Variants in SPIDR observed in about 807,000 individuals in gnomAD.
SPIDR encodes the protein DNA repair-scaffolding protein.
A neutral mutation model predicts 104.6 loss-of-function variants in SPIDR; 93 were observed. That is an observed-to-expected ratio of 0.89 (90% CI 0.75 to 1.06). SPIDR has a LOEUF of 1.06. SPIDR is among the 50% of genes least tolerant of loss of function. SPIDR has a pLI of 0.00. For synonymous variants in SPIDR, 431 were observed against 416.9 expected, an observed-to-expected ratio of 1.03 and a Z score of -0.41; for missense variants, 1,154 against 1,111.2, an observed-to-expected ratio of 1.04 and a Z score of -0.55.
chr8:47,688,152 C>T (rs1027676434), intron 11 of SPIDR, among the ~76,000 whole-genome samples: 18 of 151,830 alleles, frequency 1.2e-4, no homozygotes, highest in Non-Finnish European at 2.5e-4. Context: ...TTTTTTGAGA[C>T]GGAGTCTCTC....
intron 8 of SPIDR, among the ~76,000 whole-genome samples, chr8:47,516,837 G>A (rs2083242010): frequency 6.6e-6 from 1 of 151,988 alleles, no homozygotes; most frequent in Admixed American, 6.6e-5. Flanking sequence ...GACTTCTTAA[G>A]GAACTACCAT....
At chr8:47,705,587 T>TGC (rs1349175718) in intron 14 of SPIDR, among the ~76,000 whole-genome samples, 2 of 152,098 alleles carry the variant, frequency 1.3e-5, no homozygotes, top group Admixed American at 6.5e-5. Context: ...GCACCATGAG[T>TGC]CATTGCTGGA....
rs1374985792 is a variant in SPIDR at position 47,729,188 on chromosome 8, TC to T, written c.2550+144del. On this transcript the variant is annotated intron_variant, in intron 18 of 19. Coordinates refer to ENST00000297423, the MANE Select transcript of SPIDR (RefSeq NM_001080394.4). ...GGCTGGGATGGCTTGCATCTGGAACTCCCTCTAGGTCCTAGGAGCTTCCCTA... is the reference window on the plus strand; with the variant it reads ...GGCTGGGATGGCTTGCATCTGGAACTCCTCTAGGTCCTAGGAGCTTCCCTA... 1.3e-5 allele frequency: 19 copies of T among 1,517,580 alleles called. No homozygotes were observed. The Admixed American group carries it at 3.8e-4, about 31-fold the overall frequency. 94.0% of individuals were successfully genotyped at this position (1,517,580 alleles called of 1,614,324 possible).
At chr8:47,315,464 G>A (rs1332160882) in intron 5 of SPIDR, among the ~76,000 whole-genome samples, 2 of 152,092 alleles carry the variant, frequency 1.3e-5, no homozygotes, top group East Asian at 3.8e-4. Context: ...GTTATCCCTA[G>A]TCGATCTATG....
At chr8:47,592,568 C>A in intron 8 of SPIDR, 1 of 1,290,668 alleles carries the variant, frequency 7.7e-7, no homozygotes, top group Non-Finnish European at 1.1e-6. Context: ...TGCCAGCAAA[C>A]CCTGGGTTTC....
At chr8:47,378,321 A>G (rs2058914541) in intron 5 of SPIDR, among the ~76,000 whole-genome samples, 1 of 152,236 alleles carries the variant, frequency 6.6e-6, no homozygotes, top group East Asian at 1.9e-4. Flanking sequence ...TGATGAAACA[A>G]GCATTATGAA....
At chr8:47,647,685 A>G (rs568430769) in intron 10 of SPIDR, among the ~76,000 whole-genome samples, 46 of 149,174 alleles carry the variant, frequency 3.1e-4, no homozygotes, top group Non-Finnish European at 6.1e-4. Context: ...AGGGAGAGAG[A>G]GAGAGAGAGA....
chr8:47,280,445 T>C (rs1046850504), intron 2 of SPIDR, among the ~76,000 whole-genome samples: 4 of 148,084 alleles, frequency 2.7e-5, no homozygotes, highest in Non-Finnish European at 5.9e-5. Flanking sequence ...CAGGCTGGAG[T>C]GCAGTGAGGC....
At chr8:47,588,193 A>C (rs191909133) in intron 8 of SPIDR, among the ~76,000 whole-genome samples, 69 of 148,154 alleles carry the variant, frequency 4.7e-4, no homozygotes, top group African/African-American at 1.7e-3. Context: ...TATGATTTTG[A>C]GTTTTTCAAT....
chr8:47,387,586 C>A (rs1288200512), intron 5 of SPIDR, among the ~76,000 whole-genome samples: 1 of 152,116 alleles, frequency 6.6e-6, no homozygotes, highest in Non-Finnish European at 1.5e-5. Context: ...ATTATTGATC[C>A]AGGTGATACT....
chr8:47,296,934 A>G (rs1048008199), intron 5 of SPIDR, among the ~76,000 whole-genome samples: 23 of 152,250 alleles, frequency 1.5e-4, no homozygotes, highest in Non-Finnish European at 2.8e-4. Flanking sequence ...TGTATTTTCT[A>G]GTATATACAT....
At position 47,566,923 on chromosome 8, in the gene SPIDR, G is replaced by T. The variant is rs747767375; in HGVS notation, c.1098-28888G>T. 3.2e-4 allele frequency among the ~76,000 whole-genome samples: 48 copies of T among 152,316 alleles called. No homozygotes were observed. The South Asian group carries it at 3.7e-3, about 12-fold the overall frequency. Reference sequence around the variant, plus strand: ...AAGTGATATTTTAAGTAGAATTAATGTGTGGTTCTGGGAAGCAAGGTTTTA... The same window carrying T: ...AAGTGATATTTTAAGTAGAATTAATTTGTGGTTCTGGGAAGCAAGGTTTTA... On this transcript the variant is annotated intron_variant, in intron 8 of 19. Transcript: ENST00000297423.
intron 16 of SPIDR, among the ~76,000 whole-genome samples, chr8:47,722,574 A>G (rs1204113384): frequency 6.6e-6 from 1 of 151,758 alleles, no homozygotes; most frequent in African/African-American, 2.4e-5. Context: ...CTTTTATTAC[A>G]CTCTTCTTTT....
chr8:47,649,807 A>G (rs2071270972), intron 10 of SPIDR, among the ~76,000 whole-genome samples: 1 of 152,234 alleles, frequency 6.6e-6, no homozygotes, highest in Admixed American at 6.5e-5. Flanking sequence ...TTTAACATAT[A>G]CAGGTCAATA....
chr8:47,480,048 T>C (rs2076722499), intron 8 of SPIDR, among the ~76,000 whole-genome samples: 1 of 152,120 alleles, frequency 6.6e-6, no homozygotes, highest in Admixed American at 6.6e-5. Context: ...TAAAATAATA[T>C]CTTGGAGAAC....
At chr8:47,283,394 A>G (rs2038199678) in intron 2 of SPIDR, among the ~76,000 whole-genome samples, 1 of 152,208 alleles carries the variant, frequency 6.6e-6, no homozygotes, top group African/African-American at 2.4e-5. Flanking sequence ...ACCCCAAATC[A>G]GTTACAGTAG....
intron 7 of SPIDR, among the ~76,000 whole-genome samples, chr8:47,411,891 G>T (rs886096293): frequency 8.5e-5 from 13 of 152,138 alleles, no homozygotes; most frequent in African/African-American, 2.9e-4. Flanking sequence ...AGTTTTCCCA[G>T]CACCATTTAT....
intron 10 of SPIDR, among the ~76,000 whole-genome samples, chr8:47,633,238 ATAT>A (rs1323259090): frequency 6.6e-6 from 1 of 152,212 alleles, no homozygotes; most frequent in African/African-American, 2.4e-5. Flanking sequence ...AGGCAAATTA[ATAT>A]TATTTGCATT....
intron 10 of SPIDR, among the ~76,000 whole-genome samples, chr8:47,608,580 G>C (rs1247002687): frequency 2.0e-5 from 3 of 152,012 alleles, no homozygotes; most frequent in Admixed American, 2.0e-4. Context: ...AATATACCAG[G>C]GTTCCACTTT....
Sources: allele counts gnomAD v4.1 joint callset (sites outside exome capture counted in the v4.1 genomes callset), GRCh38; gene constraint gnomAD v4.1.1; transcripts MANE v1.5; gene names NCBI Gene and HGNC (gene_info 2026-07-23, HGNC 2026-07-21).